Variants in COL23A1 observed in about 807,000 individuals in gnomAD.
The protein encoded by COL23A1 is collagen alpha-1(XXIII) chain.
In COL23A1, 97 loss-of-function variants were observed where a neutral mutation model predicts 99.3. That is an observed-to-expected ratio of 0.98 (90% CI 0.83 to 1.16). The LOEUF (loss-of-function observed/expected upper bound fraction) is 1.16, where lower values mean the gene tolerates loss of function less well. Among genes scored for constraint, COL23A1 ranks in the 50% most tolerant of loss-of-function variants. The pLI, the probability that COL23A1 is intolerant of heterozygous loss-of-function variation, is 0.00. For synonymous variants in COL23A1, 320 were observed against 308.2 expected (o/e 1.04, Z -0.40); for missense variants, 762 against 757.4 (o/e 1.01, Z -0.07).
chr5:178,302,388 C>T (rs112988214), intron 3 of COL23A1, among the ~76,000 whole-genome samples: 11,944 of 117,490 alleles, frequency 0.1, 1,582 homozygotes, highest in Middle Eastern at 0.24. Flanking sequence ...CCTGTGTGTG[C>T]GCCGGAGCAC....
intron 2 of COL23A1, among the ~76,000 whole-genome samples, chr5:178,381,341 G>A (rs1432993429): frequency 6.6e-6 from 1 of 152,226 alleles, no homozygotes; most frequent in Non-Finnish European, 1.5e-5. Flanking sequence ...CTTCCACAGG[G>A]GAAGGCCAGC....
chr5:178,445,879 T>C (rs962019329), intron 2 of COL23A1, among the ~76,000 whole-genome samples: 1 of 152,108 alleles, frequency 6.6e-6, no homozygotes, highest in African/African-American at 2.4e-5. Context: ...TTTTGCAATA[T>C]ATATTCAAGA....
At chr5:178,336,732 C>T (rs1760342077) in intron 2 of COL23A1, among the ~76,000 whole-genome samples, 1 of 152,192 alleles carries the variant, frequency 6.6e-6, no homozygotes, top group African/African-American at 2.4e-5. Flanking sequence ...ATGTGAATTT[C>T]ACTTCAATAA....
At chr5:178,429,187 TG>T (rs1561964380) in intron 2 of COL23A1, among the ~76,000 whole-genome samples, 1 of 152,086 alleles carries the variant, frequency 6.6e-6, no homozygotes, top group Non-Finnish European at 1.5e-5. Context: ...CTGCAGTGGA[TG>T]GGGCATGCGC....
Position 178,415,429 on chromosome 5 carries a change from T to C in COL23A1, c.362-108510A>G, listed in dbSNP as rs919368321. Among the ~76,000 whole-genome samples the C allele has an allele frequency of 6.6e-6, 1 of 152,036 alleles. No individual in the cohort carries two copies. The highest frequency in any genetic ancestry group is 1.5e-5 in the Non-Finnish European group (1 of 67,978). ...CTCAGTGCACAGGCTGTGGCCTCTTTCTCCCCGGGCCCGGGCCCTGGAGCA... is the reference window on the plus strand; with the variant it reads ...CTCAGTGCACAGGCTGTGGCCTCTTCCTCCCCGGGCCCGGGCCCTGGAGCA... On this transcript the variant is annotated intron_variant, in intron 2 of 28. Transcript: ENST00000390654. The surrounding 1 kb of genome is among the most constrained non-coding windows in gnomAD (Gnocchi z 4.6).
intron 2 of COL23A1, among the ~76,000 whole-genome samples, chr5:178,376,064 C>T (rs866852693): frequency 1.3e-5 from 2 of 152,160 alleles, no homozygotes; most frequent in Non-Finnish European, 2.9e-5. Context: ...CCCAGGGGGA[C>T]CCCTGGCCCT....
At chr5:178,556,300 A>AAGG (rs1363538899) in intron 2 of COL23A1, among the ~76,000 whole-genome samples, 1 of 152,066 alleles carries the variant, frequency 6.6e-6, no homozygotes, top group Non-Finnish European at 1.5e-5. Context: ...AAAAAAAAAG[A>AAGG]AGGAGGAGGA....
At chr5:178,562,725 C>A (rs1159010664) in intron 1 of COL23A1, 2 of 104,022 alleles carry the variant, frequency 1.9e-5, no homozygotes, top group Non-Finnish European at 3.5e-5. Flanking sequence ...GTTGCTGCCG[C>A]TGGCTGGTGG....
At chr5:178,473,619 C>T (rs1756879092) in intron 2 of COL23A1, among the ~76,000 whole-genome samples, 3 of 151,994 alleles carry the variant, frequency 2.0e-5, no homozygotes, top group Admixed American at 6.6e-5. Flanking sequence ...GGGATTTGAG[C>T]ATCTCTGGAT....
intron 2 of COL23A1, among the ~76,000 whole-genome samples, chr5:178,371,578 G>T (rs1762804452): frequency 6.6e-6 from 1 of 152,176 alleles, no homozygotes; most frequent in Non-Finnish European, 1.5e-5. Flanking sequence ...TCCCTCAGGG[G>T]CACTGTCACC....
At chr5:178,545,602 C>G (rs749564970) in intron 2 of COL23A1, among the ~76,000 whole-genome samples, 43 of 152,150 alleles carry the variant, frequency 2.8e-4, no homozygotes, top group Non-Finnish European at 5.6e-4. Context: ...AGTTCAAGGG[C>G]TCTCCTAAAA....
chr5:178,491,105 A>G (rs1186312359), intron 2 of COL23A1, among the ~76,000 whole-genome samples: 1 of 151,330 alleles, frequency 6.6e-6, no homozygotes, highest in Admixed American at 6.6e-5. Context: ...AGGAGGGGGG[A>G]AAGAGAGAGG....
At chr5:178,257,154 G>T (rs1380960546) in intron 13 of COL23A1, among the ~76,000 whole-genome samples, 1 of 152,174 alleles carries the variant, frequency 6.6e-6, no homozygotes, top group Non-Finnish European at 1.5e-5. Flanking sequence ...GCACTTACTT[G>T]GGGCAGCGCA....
chr5:178,358,172 T>C (rs917606474), intron 2 of COL23A1, among the ~76,000 whole-genome samples: 16 of 150,270 alleles, frequency 1.1e-4, no homozygotes, highest in African/African-American at 3.7e-4. Flanking sequence ...GTCTAATGTG[T>C]ATGTGTATGT....
chr5:178,554,705 G>T (rs962148442), intron 2 of COL23A1, among the ~76,000 whole-genome samples: 2 of 151,908 alleles, frequency 1.3e-5, no homozygotes, highest in African/African-American at 2.4e-5. Context: ...GTCTCCCCTG[G>T]TTCCAAGAAT....
Position 178,428,913 on chromosome 5 carries a change from C to A in COL23A1, c.362-121994G>T, listed in dbSNP as rs562896405. 4.6e-5 allele frequency among the ~76,000 whole-genome samples: 7 copies of A among 151,980 alleles called. No individual in the cohort carries two copies. In the South Asian group the frequency reaches 1.3e-3, roughly 27 times the overall value. On this transcript the variant is annotated intron_variant, in intron 2 of 28. Coordinates refer to ENST00000390654, the MANE Select transcript of COL23A1 (RefSeq NM_173465.4). This position sits in a 1 kb window ranked among gnomAD's most constrained non-coding sequence, Gnocchi z 5.0. ...TGCCTCCCTATTGTTTCCAAGCCAG[C>A]TCCCTACCCGCACACAGACAGGCAG...
intron 2 of COL23A1, among the ~76,000 whole-genome samples, chr5:178,398,540 T>C (rs1437966436): frequency 2.6e-5 from 4 of 151,924 alleles, no homozygotes; most frequent in Admixed American, 2.6e-4. Context: ...GGTGGGAGGA[T>C]TGCTTGAACC....
rs376822787 is a variant in COL23A1, at chr5:178,250,271, C to G, written c.1015-166G>C. On this transcript the variant is annotated intron_variant, in intron 17 of 28. Transcript: ENST00000390654. ...CCTCCTCTGTTTCCTCAGCCCATCA[C>G]GAGCAGATGTAGCCCATGGCTATCA... 5.9e-5 allele frequency among the ~76,000 whole-genome samples: 9 copies of G among 152,332 alleles called. No individual in the cohort carries two copies. In the East Asian group the frequency reaches 9.6e-4, roughly 16 times the overall value.
chr5:178,447,478 T>G (rs570782508), intron 2 of COL23A1, among the ~76,000 whole-genome samples: 1 of 152,334 alleles, frequency 6.6e-6, no homozygotes, highest in East Asian at 1.9e-4. Flanking sequence ...TTACTGCACT[T>G]TTTCTATGTT....
Sources: allele counts gnomAD v4.1 joint callset (sites outside exome capture counted in the v4.1 genomes callset), GRCh38; gene constraint gnomAD v4.1.1; non-coding constraint Gnocchi (gnomAD v3.1); transcripts MANE v1.5; gene names NCBI Gene and HGNC (gene_info 2026-07-23, HGNC 2026-07-21).